The following MARCHF1 variants were observed in gnomAD, a reference collection of about 807,000 sequenced individuals.
The protein encoded by MARCHF1 is E3 ubiquitin-protein ligase MARCHF1.
In MARCHF1, 40 loss-of-function variants were observed where a neutral mutation model predicts 54.2. That is an observed-to-expected ratio of 0.74 (90% CI 0.57 to 0.96). MARCHF1 has a LOEUF of 0.96. MARCHF1 is among the 40% of genes least tolerant of loss of function. MARCHF1 has a pLI of 0.00. For synonymous variants in MARCHF1, 236 were observed against 236.3 expected (o/e 1.00, Z 0.01); for missense variants, 586 against 656.5 (o/e 0.89, Z 1.17).
intron 1 of MARCHF1, among the ~76,000 whole-genome samples, chr4:164,205,245 G>C (rs943639191): frequency 6.6e-6 from 1 of 152,152 alleles, no homozygotes; most frequent in Non-Finnish European, 1.5e-5. Context: ...GTAATGATGA[G>C]AGCTTGTATT....
At chr4:163,686,858 AAAT>A (rs1317708529) in intron 5 of MARCHF1, among the ~76,000 whole-genome samples, 1 of 152,198 alleles carries the variant, frequency 6.6e-6, no homozygotes, top group Non-Finnish European at 1.5e-5. Flanking sequence ...TGTAGTCATT[AAAT>A]AATTGCAATA....
intron 4 of MARCHF1, among the ~76,000 whole-genome samples, chr4:163,740,202 C>T (rs1413163089): frequency 6.6e-6 from 1 of 152,164 alleles, no homozygotes; most frequent in African/African-American, 2.4e-5. Context: ...ATCCCCCAAC[C>T]TCCCACTAAC....
chr4:164,326,259 G>A (rs1735278459), intron 1 of MARCHF1, among the ~76,000 whole-genome samples: 4 of 152,132 alleles, frequency 2.6e-5, no homozygotes. Context: ...GCATGGGTGT[G>A]GTCCCAGTTG....
intron 4 of MARCHF1, among the ~76,000 whole-genome samples, chr4:163,713,024 T>C (rs1745152074): frequency 6.6e-6 from 1 of 152,186 alleles, no homozygotes; most frequent in East Asian, 1.9e-4. Context: ...GTTTCTACAG[T>C]AGCTTCGACT....
At chr4:164,202,685 G>A (rs560937627) in intron 1 of MARCHF1, among the ~76,000 whole-genome samples, 2 of 152,204 alleles carry the variant, frequency 1.3e-5, no homozygotes, top group Non-Finnish European at 2.9e-5. Flanking sequence ...TTCCCACTAC[G>A]CCTTGCTGCT....
At chr4:163,973,775 CAA>C (rs1440717965) in intron 3 of MARCHF1, among the ~76,000 whole-genome samples, 1 of 152,158 alleles carries the variant, frequency 6.6e-6, no homozygotes, top group Admixed American at 6.5e-5. Context: ...AAGAAAAAGA[CAA>C]AGTCATGTCC....
Position 163,679,290 on chromosome 4 carries a change from C to G in MARCHF1, c.162+21523G>C, listed in dbSNP as rs534002863. Among the ~76,000 whole-genome samples the G allele has an allele frequency of 3.3e-5, 5 of 152,306 alleles. No homozygotes were observed. In the South Asian group the frequency reaches 1.0e-3, roughly 32 times the overall value. On this transcript the variant is annotated intron_variant, in intron 5 of 9. Transcript: ENST00000514618. ...GATAGGAAGACACCTCTGTTTGATT[C>G]TTTTCCAGAAGAAAATCTCTGAGTA...
At chr4:163,768,146 T>A (rs549818482) in intron 4 of MARCHF1, among the ~76,000 whole-genome samples, 102 of 152,346 alleles carry the variant, frequency 6.7e-4, no homozygotes, top group Middle Eastern at 6.8e-3. Context: ...TAGGTCCAAA[T>A]TGAACTTAAA....
chr4:163,868,990 G>A (rs1750113025), intron 3 of MARCHF1, among the ~76,000 whole-genome samples: 1 of 148,638 alleles, frequency 6.7e-6, no homozygotes, highest in Non-Finnish European at 1.5e-5. Context: ...ATATTTAATA[G>A]ACCATTTACA....
In MARCHF1 at chr4:164,236,097, T is replaced by G. The variant is rs942241206; in HGVS notation, c.-322-124435A>C. 2.0e-5 allele frequency among the ~76,000 whole-genome samples: 3 copies of G among 152,042 alleles called. No individual in the cohort carries two copies. In the East Asian group the frequency reaches 5.8e-4, roughly 29 times the overall value. ...GATTCTAATTTTTTAGTACCAAGCT[T>G]ATTTTAATCACACTTCACAAATCAC... On this transcript the variant is annotated intron_variant, in intron 1 of 9. Coordinates refer to ENST00000514618, the MANE Select transcript of MARCHF1 (RefSeq NM_001394959.1).
chr4:163,889,033 T>C (rs114437243), intron 3 of MARCHF1, among the ~76,000 whole-genome samples: 1,893 of 152,262 alleles, frequency 0.012, 38 homozygotes, highest in African/African-American at 0.041. Context: ...ATTTGAGCTT[T>C]GGGTGGATTT....
intron 1 of MARCHF1, among the ~76,000 whole-genome samples, chr4:164,160,025 ATAT>A (rs1157168979): frequency 6.6e-6 from 1 of 151,326 alleles, no homozygotes; most frequent in Non-Finnish European, 1.5e-5. Context: ...ATTTTTTAAA[ATAT>A]TGTACTTCAG....
intron 3 of MARCHF1, chr4:163,932,381 T>C (rs778643923): frequency 5.8e-6 from 2 of 345,198 alleles, no homozygotes; most frequent in Non-Finnish European, 1.2e-5. Flanking sequence ...AAAACTGGAG[T>C]AAATCCTTTC....
intron 1 of MARCHF1, among the ~76,000 whole-genome samples, chr4:164,272,823 GAAAAT>G (rs1392601853): frequency 6.6e-6 from 1 of 150,938 alleles, no homozygotes; most frequent in African/African-American, 2.4e-5. Context: ...ATAAAAATGA[GAAAAT>G]AAAAAAGTAG....
intron 4 of MARCHF1, among the ~76,000 whole-genome samples, chr4:163,717,075 C>T (rs916781226): frequency 1.3e-5 from 2 of 151,380 alleles, no homozygotes; most frequent in African/African-American, 2.4e-5. Flanking sequence ...ATACATGTGC[C>T]ATGTTGGTGT....
chr4:163,912,911 G>T (rs1436343522), intron 3 of MARCHF1, among the ~76,000 whole-genome samples: 1 of 152,188 alleles, frequency 6.6e-6, no homozygotes, highest in African/African-American at 2.4e-5. Context: ...TAAATTGAAA[G>T]ATAAATTCTT....
intron 1 of MARCHF1, among the ~76,000 whole-genome samples, chr4:164,355,371 A>G (rs984457794): frequency 2.7e-5 from 3 of 112,430 alleles, no homozygotes; most frequent in Non-Finnish European, 5.6e-5. Context: ...ACTATACTAC[A>G]AGGCTACAGT....
intron 1 of MARCHF1, among the ~76,000 whole-genome samples, chr4:164,268,275 C>T (rs1191364522): frequency 1.1e-4 from 16 of 152,118 alleles, no homozygotes; most frequent in Non-Finnish European, 2.4e-4. Context: ...CATGGCTCCC[C>T]TCCTATTTAA....
At chr4:164,079,427 CT>C (rs1184076389) in intron 2 of MARCHF1, among the ~76,000 whole-genome samples, 1 of 152,118 alleles carries the variant, frequency 6.6e-6, no homozygotes, top group Non-Finnish European at 1.5e-5. Flanking sequence ...AAATCGAGTA[CT>C]TTTAAAGAAA....
Sources: allele counts gnomAD v4.1 joint callset (sites outside exome capture counted in the v4.1 genomes callset), GRCh38; gene constraint gnomAD v4.1.1; transcripts MANE v1.5; gene names NCBI Gene and HGNC (gene_info 2026-07-23, HGNC 2026-07-21).